Variants in MAGI2 observed in about 807,000 individuals in gnomAD.
MAGI2 encodes membrane associated guanylate kinase, WW and PDZ domain containing 2.
Under a neutral mutation model 133.3 loss-of-function variants are expected in MAGI2, and 35 were observed. That is an observed-to-expected ratio of 0.26 (90% CI 0.20 to 0.35). The LOEUF is 0.35. Ranked by LOEUF, MAGI2 falls within the 10% of genes least tolerant of loss-of-function variation. The pLI is 1.00. For synonymous variants in MAGI2, 729 were observed against 710.6 expected (o/e 1.03, Z -0.41); for missense variants, 1,636 against 1,863.4 (o/e 0.88, Z 2.25).
At chr7:79,285,507 T>C (rs2129558333) in intron 1 of MAGI2, among the ~76,000 whole-genome samples, 1 of 152,258 alleles carries the variant, frequency 6.6e-6, no homozygotes, top group South Asian at 2.1e-4. Context: ...TTCAAACACC[T>C]TGTCAGAATC....
At chr7:78,310,207 C>T (rs777278043) in intron 9 of MAGI2, among the ~76,000 whole-genome samples, 11 of 152,010 alleles carry the variant, frequency 7.2e-5, no homozygotes, top group South Asian at 4.2e-4. Context: ...GAGGCAGAGG[C>T]GGGAGGATCA....
At chr7:78,335,002 TAA>T (rs1203103517) in intron 9 of MAGI2, among the ~76,000 whole-genome samples, 1 of 152,172 alleles carries the variant, frequency 6.6e-6, no homozygotes, top group Non-Finnish European at 1.5e-5. Flanking sequence ...TATTTGTAAT[TAA>T]AGTTTTATTG....
chr7:78,362,522 G>T (rs149235404), intron 7 of MAGI2, among the ~76,000 whole-genome samples: 1 of 152,216 alleles, frequency 6.6e-6, no homozygotes, highest in East Asian at 1.9e-4. Context: ...CTTACTGCTG[G>T]GAATCTTAGC....
chr7:78,726,271 A>G (rs529248172), intron 2 of MAGI2, among the ~76,000 whole-genome samples: 2 of 152,210 alleles, frequency 1.3e-5, no homozygotes, highest in Non-Finnish European at 2.9e-5. Flanking sequence ...TGTAACTTAA[A>G]TGTGTGTAAA....
intron 1 of MAGI2, among the ~76,000 whole-genome samples, chr7:79,373,665 A>G (rs1265835855): frequency 6.6e-6 from 1 of 152,066 alleles, no homozygotes; most frequent in Non-Finnish European, 1.5e-5. Context: ...TAAACATAAA[A>G]TTTAAAAATC....
At chr7:78,623,459 T>C (rs1319154196) in intron 3 of MAGI2, among the ~76,000 whole-genome samples, 1 of 152,076 alleles carries the variant, frequency 6.6e-6, no homozygotes, top group East Asian at 1.9e-4. Context: ...TTTTTTCATA[T>C]ATAGTTTAAG....
intron 6 of MAGI2, among the ~76,000 whole-genome samples, chr7:78,379,730 A>T (rs756057461): frequency 1.3e-5 from 2 of 152,000 alleles, no homozygotes; most frequent in African/African-American, 4.8e-5. Context: ...TTCCAATTTC[A>T]TACTACAATA....
chr7:78,347,560 T>G (rs1791047389), intron 7 of MAGI2, among the ~76,000 whole-genome samples: 1 of 152,186 alleles, frequency 6.6e-6, no homozygotes, highest in Non-Finnish European at 1.5e-5. Context: ...ATAATGAATA[T>G]TAGCACATGG....
rs3779316 is a variant in MAGI2, at chr7:78,073,794, A to T, written c.3706+5153T>A. ...ATTCCTGTGCAGTTTTACAACCATG[A>T]TGCATACTTCCTTTTCTCTTAACCT... On this transcript the variant is annotated intron_variant, in intron 21 of 21. Transcript: ENST00000354212. Among the ~76,000 whole-genome samples, 335 of 152,288 alleles carry T rather than the reference A, an allele frequency of 2.2e-3. 2 individuals are homozygous for T. The highest frequency in any genetic ancestry group is 3.3e-3 in the Non-Finnish European group (224 of 68,030).
intron 12 of MAGI2, among the ~76,000 whole-genome samples, chr7:78,193,843 A>C (rs1043693368): frequency 2.6e-5 from 4 of 152,126 alleles, no homozygotes; most frequent in Non-Finnish European, 4.4e-5. Context: ...CTATTTTTCA[A>C]CCAAAATTAG....
At chr7:78,458,170 C>T (rs1789529791) in intron 6 of MAGI2, among the ~76,000 whole-genome samples, 1 of 151,870 alleles carries the variant, frequency 6.6e-6, no homozygotes, top group Non-Finnish European at 1.5e-5. Context: ...GTGGCACACC[C>T]CTGTAATCCC....
intron 1 of MAGI2, among the ~76,000 whole-genome samples, chr7:79,292,906 T>C (rs1026181766): frequency 7.9e-5 from 12 of 152,020 alleles, no homozygotes; most frequent in Admixed American, 5.9e-4. Context: ...TGTTTTCTTC[T>C]GCCACTGCTG....
chr7:78,835,853 G>T (rs1178455746), intron 2 of MAGI2, among the ~76,000 whole-genome samples: 4 of 152,208 alleles, frequency 2.6e-5, no homozygotes, highest in Non-Finnish European at 5.9e-5. Flanking sequence ...ACAGAGGAAA[G>T]CATAGTTATG....
chr7:78,517,251 C>T (rs747284890), intron 4 of MAGI2, among the ~76,000 whole-genome samples: 6 of 151,554 alleles, frequency 4.0e-5, no homozygotes, highest in Admixed American at 6.6e-5. Flanking sequence ...AAGGATACAT[C>T]GTACTTGTCA....
Position 79,191,402 on chromosome 7 carries a change from C to CTTTTTTTTTTTTTTTTTTTTTTTTTTT in MAGI2, c.302-184223_302-184197dup, listed in dbSNP as rs71095386. ...TCTTTTTTTCTTTTTCTTTTTCTTT[C>CTTTTTTTTTTTTTTTTTTTTTTTTTTT]TTTTTTTTTTTTTTTTTTTTTTTTT... On this transcript the variant is annotated intron_variant, in intron 1 of 21. Coordinates refer to ENST00000354212, the MANE Select transcript of MAGI2 (RefSeq NM_012301.4). Among the ~76,000 whole-genome samples, 127 of 22,350 alleles carry CTTTTTTTTTTTTTTTTTTTTTTTTTTT rather than the reference C, an allele frequency of 5.7e-3. 19 individuals carry two copies. The highest frequency in any genetic ancestry group is 0.012 in the South Asian group (6 of 508). 14.7% of individuals were successfully genotyped at this position (22,350 alleles called of 152,430 possible).
chr7:79,037,451 T>G (rs1200405404), intron 1 of MAGI2, among the ~76,000 whole-genome samples: 1 of 152,098 alleles, frequency 6.6e-6, no homozygotes, highest in African/African-American at 2.4e-5. Context: ...CACACTGAAA[T>G]AGTAACAGAG....
chr7:79,266,731 TG>T (rs1260944368), intron 1 of MAGI2, among the ~76,000 whole-genome samples: 1 of 152,158 alleles, frequency 6.6e-6, no homozygotes, highest in African/African-American at 2.4e-5. Context: ...TTTAAACAGT[TG>T]GTCAAGGTGA....
intron 9 of MAGI2, among the ~76,000 whole-genome samples, chr7:78,337,725 C>T (rs1789918940): frequency 6.6e-6 from 1 of 152,134 alleles, no homozygotes; most frequent in South Asian, 2.1e-4. Flanking sequence ...TTTGTCTTTA[C>T]CATGTACTTG....
chr7:78,560,560 T>A (rs1288797077), intron 3 of MAGI2, among the ~76,000 whole-genome samples: 1 of 152,222 alleles, frequency 6.6e-6, no homozygotes, highest in Non-Finnish European at 1.5e-5. Context: ...TTTAAAATTA[T>A]GTTTAAAAAC....
Sources: gnomAD v4.1 joint callset for allele counts (sites outside exome capture counted in the v4.1 genomes callset) on GRCh38, gnomAD v4.1.1 for gene constraint, MANE v1.5 for transcripts, NCBI Gene and HGNC (gene_info 2026-07-23, HGNC 2026-07-21) for gene names.